Variants in TBCK observed in about 807,000 individuals in gnomAD.
TBCK encodes the protein TBC1 domain containing kinase, also known as TBC domain-containing protein kinase-like protein.
TBCK carries 99 observed loss-of-function variants against 113.4 expected under a neutral mutation model. That is an observed-to-expected ratio of 0.87 (90% CI 0.74 to 1.03). TBCK has a LOEUF of 1.03. Among genes scored for constraint, TBCK ranks in the 50% least tolerant of loss-of-function variants. TBCK has a pLI of 0.00. For missense variants in TBCK, 1,045 were observed against 1,061.3 expected, an observed-to-expected ratio of 0.98 and a Z score of 0.21; for synonymous variants, 369 against 370.8, an observed-to-expected ratio of 1.00 and a Z score of 0.05.
At position 106,061,750 on chromosome 4, in the gene TBCK, C is replaced by T. The variant is rs1187720280; in HGVS notation, c.2572-15070G>A. Among the ~76,000 whole-genome samples the T allele has an allele frequency of 2.6e-5, 4 of 151,460 alleles. No homozygotes were observed. In the East Asian group the frequency reaches 5.8e-4, roughly 22 times the overall value. ...GGTTTCCTTCTATCCTCTCTTCTTC[C>T]GTTATCCTTTCCTTAATCACTCCTT... is the stretch of plus-strand genomic sequence containing the variant. On this transcript the variant is annotated intron_variant, in intron 25 of 25. Coordinates refer to ENST00000394708, the MANE Select transcript of TBCK (RefSeq NM_001163435.3).
chr4:106,054,540 C>CTA (rs769000938), intron 25 of TBCK, among the ~76,000 whole-genome samples: 8 of 151,622 alleles, frequency 5.3e-5, no homozygotes, highest in African/African-American at 1.7e-4. Context: ...TATATCTAAA[C>CTA]TATATATATG....
At chr4:106,162,735 T>C (rs1749938217) in intron 23 of TBCK, among the ~76,000 whole-genome samples, 1 of 152,126 alleles carries the variant, frequency 6.6e-6, no homozygotes, top group Non-Finnish European at 1.5e-5. Flanking sequence ...CAGCCACAGC[T>C]GAAGCTGAAG....
intron 22 of TBCK, chr4:106,182,593 T>C (rs1752525441): frequency 6.6e-6 from 1 of 152,198 alleles, no homozygotes; most frequent in Non-Finnish European, 1.5e-5. Flanking sequence ...TGTTGAATTT[T>C]GTTGAAGGCC....
At chr4:106,259,298 C>G (rs1474357781) in intron 5 of TBCK, among the ~76,000 whole-genome samples, 3 of 151,786 alleles carry the variant, frequency 2.0e-5, no homozygotes, top group African/African-American at 7.2e-5. Context: ...GAGTAACATT[C>G]TGTTTGAAAA....
intron 25 of TBCK, among the ~76,000 whole-genome samples, chr4:106,048,686 C>A (rs964139218): frequency 3.3e-5 from 5 of 152,070 alleles, no homozygotes; most frequent in African/African-American, 1.2e-4. Context: ...CTGAAAAAGC[C>A]TTGTGGATAA....
chr4:106,297,246 T>C (rs2125855378), intron 2 of TBCK, among the ~76,000 whole-genome samples: 1 of 152,328 alleles, frequency 6.6e-6, no homozygotes, highest in African/African-American at 2.4e-5. Flanking sequence ...GCCTATATTA[T>C]AGGCTTTAAT....
chr4:106,174,531 T>C (rs976446648), intron 22 of TBCK, among the ~76,000 whole-genome samples: 5 of 152,114 alleles, frequency 3.3e-5, no homozygotes, highest in South Asian at 2.1e-4. Context: ...TTAGGATCCC[T>C]GTATTATGAA....
intron 23 of TBCK, among the ~76,000 whole-genome samples, chr4:106,116,594 GGAA>G (rs1183371901): frequency 1.3e-5 from 2 of 152,248 alleles, no homozygotes; most frequent in South Asian, 4.1e-4. Context: ...CCACACAGCA[GGAA>G]GTGAATGGTA....
chr4:106,253,717 T>C (rs777423051), intron 5 of TBCK, among the ~76,000 whole-genome samples: 3 of 152,226 alleles, frequency 2.0e-5, no homozygotes, highest in African/African-American at 4.8e-5. Context: ...CATATGTTCA[T>C]ATGTTTATTA....
At chr4:106,219,714 T>A (rs1757444093) in intron 19 of TBCK, among the ~76,000 whole-genome samples, 1 of 152,136 alleles carries the variant, frequency 6.6e-6, no homozygotes, top group Non-Finnish European at 1.5e-5. Flanking sequence ...ACTTTTTTTT[T>A]TTTAAATATA....
intron 23 of TBCK, among the ~76,000 whole-genome samples, chr4:106,128,263 T>C (rs1745461464): frequency 1.3e-5 from 2 of 152,162 alleles, no homozygotes; most frequent in African/African-American, 4.8e-5. Flanking sequence ...AAAACCCCAT[T>C]GTAGAGCATA....
At chr4:106,194,889 A>G in intron 20 of TBCK, 135 bp from the exon 21 acceptor site, 1 of 831,874 alleles carries the variant, frequency 1.2e-6, no homozygotes, top group East Asian at 3.2e-5. Flanking sequence ...ATAAAAGAGA[A>G]TGTAGTGTTA....
At chr4:106,192,209 G>A (rs11933365) in intron 22 of TBCK, among the ~76,000 whole-genome samples, 2,075 of 152,124 alleles carry the variant, frequency 0.014, 52 homozygotes, top group African/African-American at 0.047. Flanking sequence ...TGCTTCACCA[G>A]TGTTTAACAG....
Position 106,083,442 on chromosome 4 carries a change from C to T in TBCK, c.2571+12040G>A, listed in dbSNP as rs560175845. On this transcript the variant is annotated intron_variant, in intron 25 of 25. Transcript: ENST00000394708. Reference sequence around the variant, plus strand: ...GGACAGAATTCAGATCTCCCTGGGCCAGAGCCCCTGGGGGATCGGGGAGGT... The same window carrying T: ...GGACAGAATTCAGATCTCCCTGGGCTAGAGCCCCTGGGGGATCGGGGAGGT... Among the ~76,000 whole-genome samples the T allele has an allele frequency of 3.9e-5, 6 of 152,346 alleles. No individual in the cohort carries two copies. The South Asian group carries it at 1.2e-3, about 32-fold the overall frequency.
chr4:106,238,393 T>C (rs1482995608), intron 12 of TBCK, among the ~76,000 whole-genome samples: 1 of 152,038 alleles, frequency 6.6e-6, no homozygotes, highest in Non-Finnish European at 1.5e-5. Flanking sequence ...CTTTAAAACA[T>C]AAGGAAAATG....
rs540945541 is a variant in TBCK, at chr4:106,164,770, T to C, written c.2235+6325A>G. On this transcript the variant is annotated intron_variant, in intron 23 of 25. Transcript: ENST00000394708. ...CATAATCTAAAAAGTAGTGTTGTTA[T>C]TATTGAGATGAAACTTTGTAGACTG... Among the ~76,000 whole-genome samples the C allele has an allele frequency of 2.0e-5, 3 of 151,864 alleles. No homozygotes were observed. In the East Asian group the frequency reaches 5.8e-4, roughly 29 times the overall value.
chr4:106,105,755 G>T (rs191712411), intron 24 of TBCK, among the ~76,000 whole-genome samples: 1 of 150,296 alleles, frequency 6.7e-6, no homozygotes, highest in African/African-American at 2.5e-5. Context: ...TAAGTCTATT[G>T]ACTGTACTCA....
At chr4:106,169,649 G>A (rs1750768773) in intron 23 of TBCK, among the ~76,000 whole-genome samples, 2 of 152,046 alleles carry the variant, frequency 1.3e-5, no homozygotes, top group South Asian at 4.1e-4. Context: ...GACCCAGGGT[G>A]TGGCAGATGG....
rs1323316502 is a variant in TBCK at position 106,199,293 on chromosome 4, A to AT, written c.1861-4540dup. 3.9e-5 allele frequency among the ~76,000 whole-genome samples: 6 copies of AT among 151,960 alleles called. No individual in the cohort carries two copies. In the South Asian group the frequency reaches 8.3e-4, roughly 21 times the overall value. On this transcript the variant is annotated intron_variant, in intron 20 of 25. Transcript: ENST00000394708. Reference sequence around the variant, plus strand: ...TTGACTATTCCCACTTCTTCAGAACATTTTTTTCCCTCCACTTGGCTTCCA... The same window carrying AT: ...TTGACTATTCCCACTTCTTCAGAACATTTTTTTTCCCTCCACTTGGCTTCCA...
Sources: gnomAD v4.1 joint callset for allele counts (sites outside exome capture counted in the v4.1 genomes callset) on GRCh38, gnomAD v4.1.1 for gene constraint, MANE v1.5 for transcripts, NCBI Gene and HGNC (gene_info 2026-07-23, HGNC 2026-07-21) for gene names.